Variants in GEMIN7 observed in about 807,000 individuals in gnomAD.
The protein encoded by GEMIN7 is gem-associated protein 7.
A neutral mutation model predicts 7.8 loss-of-function variants in GEMIN7; 7 were observed. The observed-to-expected ratio is 0.90, with a 90% CI of 0.51 to 1.69. The LOEUF (loss-of-function observed/expected upper bound fraction) is 1.69. Among genes scored for constraint, GEMIN7 ranks in the 40% most tolerant of loss-of-function variants. The probability of loss-of-function intolerance (pLI) is 0.00; values close to 1 mark genes in which losing one functional copy is unlikely to be tolerated. For synonymous variants in GEMIN7, 68 were observed against 72.4 expected, an observed-to-expected ratio of 0.94 and a Z score of 0.31; for missense variants, 159 against 176.2, an observed-to-expected ratio of 0.90 and a Z score of 0.55.
upstream of GEMIN7, chr19:45,076,327 G>A: frequency 3.6e-6 from 5 of 1,406,502 alleles, no homozygotes; most frequent in Non-Finnish European, 4.6e-6. The surrounding 1 kb of genome is among the most constrained non-coding windows in gnomAD (Gnocchi z 4.9). Context: ...GGCGGCGGGC[G>A]CGGGCTCTAC....
intron 2 of GEMIN7, among the ~76,000 whole-genome samples, chr19:45,081,661 C>G (rs1402954310): frequency 1.3e-5 from 2 of 151,992 alleles, no homozygotes; most frequent in Non-Finnish European, 2.9e-5. Context: ...GAGTCTCACT[C>G]TGTCATCCAT....
upstream of GEMIN7, among the ~76,000 whole-genome samples, chr19:45,078,500 G>A (rs565280779): frequency 6.6e-6 from 1 of 152,304 alleles, no homozygotes; most frequent in East Asian, 1.9e-4. Context: ...GTAGGTTCTA[G>A]GAGGCAGGAT....
Position 45,085,863 on chromosome 19 carries a change from C to CTTTTTTTT in GEMIN7, c.-8-4229_-8-4222dup, listed in dbSNP as rs869044428. On this transcript the variant is annotated intron_variant, in intron 2 of 2. Coordinates refer to ENST00000270257, the MANE Select transcript of GEMIN7 (RefSeq NM_024707.3). ...TCGGGAGACTGAGGCACAAGAATCT[C>CTTTTTTTT]TTTTTTTTTTTTTTTTTTTTTTGAG... 3.5e-4 allele frequency among the ~76,000 whole-genome samples: 31 copies of CTTTTTTTT among 88,390 alleles called. 1 individual carries two copies. Among genetic ancestry groups the CTTTTTTTT allele is most frequent in the African/African-American group, 6.9e-4 (14 of 20,304 alleles). 58.0% of individuals were successfully genotyped at this position (88,390 alleles called of 152,430 possible).
chr19:45,081,758 C>G (rs1482630384), intron 2 of GEMIN7, among the ~76,000 whole-genome samples: 1 of 152,086 alleles, frequency 6.6e-6, no homozygotes, highest in African/African-American at 2.4e-5. Context: ...TCCCGAGTAG[C>G]TGGGATTACA....
At chr19:45,076,116 G>T (rs748378179), upstream of GEMIN7, 29 of 1,572,574 alleles carry the variant, frequency 1.8e-5, no homozygotes, top group Non-Finnish European at 2.3e-5. This position sits in a 1 kb window ranked among gnomAD's most constrained non-coding sequence, Gnocchi z 4.9. Context: ...GGGTCCACGG[G>T]TTCCGCGGGC....
At chr19:45,086,880 T>C (rs546035308) in intron 2 of GEMIN7, among the ~76,000 whole-genome samples, 2 of 152,346 alleles carry the variant, frequency 1.3e-5, no homozygotes, top group East Asian at 1.9e-4. Context: ...TGAGTCTTGC[T>C]CTGTCGCCCA....
At chr19:45,080,758 GTTTTTTGTTTT>G (rs1052981032) in intron 2 of GEMIN7, among the ~76,000 whole-genome samples, 15 of 121,312 alleles carry the variant, frequency 1.2e-4, no homozygotes, top group African/African-American at 4.6e-4. Context: ...AATCTCCCTT[GTTTTTTGTTTT>G]TTTTTTTTTT....
chr19:45,078,598 G>T (rs1368700031), upstream of GEMIN7, among the ~76,000 whole-genome samples: 1 of 152,070 alleles, frequency 6.6e-6, no homozygotes, highest in Non-Finnish European at 1.5e-5. Context: ...TGTGTCTGAT[G>T]ATATTCTTTC....
intron 2 of GEMIN7, among the ~76,000 whole-genome samples, chr19:45,083,798 T>A (rs1600137109): frequency 6.6e-6 from 1 of 151,650 alleles, no homozygotes; most frequent in Admixed American, 6.6e-5. Context: ...GAGATTTTGC[T>A]ATGTTGCCCA....
intron 2 of GEMIN7, 129 bp from the exon 3 acceptor site, chr19:45,089,978 G>T (rs1321244368): frequency 3.3e-6 from 3 of 911,778 alleles, no homozygotes; most frequent in East Asian, 4.9e-5. Context: ...GATTTTAGGA[G>T]GGTGGATCAG....
chr19:45,089,696 T>C (rs1433387068), intron 2 of GEMIN7, among the ~76,000 whole-genome samples: 1 of 152,048 alleles, frequency 6.6e-6, no homozygotes, highest in Non-Finnish European at 1.5e-5. Flanking sequence ...TATATATATA[T>C]TTTTAGAAAT....
intron 2 of GEMIN7, among the ~76,000 whole-genome samples, chr19:45,081,561 T>C (rs1324650873): frequency 6.7e-6 from 1 of 149,876 alleles, no homozygotes; most frequent in African/African-American, 2.4e-5. Context: ...CCTTGGCTGC[T>C]CTTTCCCTCA....
chr19:45,075,728 G>A (rs758378839), upstream of GEMIN7: 1 of 1,614,048 alleles, frequency 6.2e-7, no homozygotes, highest in Non-Finnish European at 8.5e-7. Flanking sequence ...CCCTGGCCGC[G>A]GCTGGGGCCT....
chr19:45,083,959 C>T (rs950241699), intron 2 of GEMIN7, among the ~76,000 whole-genome samples: 1 of 151,852 alleles, frequency 6.6e-6, no homozygotes, highest in African/African-American at 2.4e-5. Context: ...GCCTGTAATA[C>T]TAGCACTTTG....
upstream of GEMIN7, chr19:45,076,438 A>C: frequency 8.7e-7 from 1 of 1,152,350 alleles, no homozygotes; most frequent in Non-Finnish European, 1.1e-6. This position sits in a 1 kb window ranked among gnomAD's most constrained non-coding sequence, Gnocchi z 4.9. Flanking sequence ...AGGACGCACG[A>C]GCGGAGGACG....
intron 2 of GEMIN7, among the ~76,000 whole-genome samples, chr19:45,084,412 A>G (rs1184006059): frequency 6.6e-6 from 1 of 151,732 alleles, no homozygotes; most frequent in Non-Finnish European, 1.5e-5. Flanking sequence ...TTATTTATTT[A>G]TTTATTTTGA....
intron 2 of GEMIN7, among the ~76,000 whole-genome samples, chr19:45,089,307 A>G (rs1298910908): frequency 6.6e-6 from 1 of 152,142 alleles, no homozygotes; most frequent in Non-Finnish European, 1.5e-5. Flanking sequence ...AGTAAGGATT[A>G]TATTTTCCTT....
chr19:45,077,526 C>T (rs551765614), upstream of GEMIN7, among the ~76,000 whole-genome samples: 4 of 152,302 alleles, frequency 2.6e-5, no homozygotes, highest in South Asian at 6.2e-4. Flanking sequence ...TCCTCTCCCC[C>T]ACCCAATGCA....
At chr19:45,087,939 ATAAT>A (rs1967752902) in intron 2 of GEMIN7, among the ~76,000 whole-genome samples, 1 of 132,616 alleles carries the variant, frequency 7.5e-6, no homozygotes, top group African/African-American at 3.0e-5. Flanking sequence ...ATATAGATAT[ATAAT>A]TTTTTTTTTT....
Sources: gnomAD v4.1 joint callset for allele counts (sites outside exome capture counted in the v4.1 genomes callset) on GRCh38, gnomAD v4.1.1 for gene constraint, Gnocchi (gnomAD v3.1) non-coding constraint, MANE v1.5 for transcripts, NCBI Gene and HGNC (gene_info 2026-07-23, HGNC 2026-07-21) for gene names.